The following PDE10A variants were observed in gnomAD, a reference collection of about 807,000 sequenced individuals.
PDE10A encodes cAMP and cAMP-inhibited cGMP 3',5'-cyclic phosphodiesterase 10A.
In PDE10A, 39 loss-of-function variants were observed where a neutral mutation model predicts 97.7. That is an observed-to-expected ratio of 0.40 (90% CI 0.31 to 0.52). PDE10A has a LOEUF of 0.52. PDE10A is among the 20% of genes least tolerant of loss of function. PDE10A has a pLI of 0.56. For synonymous variants in PDE10A, 371 were observed against 376.8 expected, an observed-to-expected ratio of 0.98 and a Z score of 0.18; for missense variants, 731 against 1,047.8, an observed-to-expected ratio of 0.70 and a Z score of 4.17.
chr6:165,337,198 A>C (rs1781703431), intron 20 of PDE10A, among the ~76,000 whole-genome samples: 1 of 152,174 alleles, frequency 6.6e-6, no homozygotes, highest in African/African-American at 2.4e-5. Flanking sequence ...TGTGCAAATA[A>C]GACTGGCTTA....
chr6:165,566,768 T>TA (rs139123074), intron 1 of PDE10A, among the ~76,000 whole-genome samples: 1,748 of 152,216 alleles, frequency 0.011, 36 homozygotes, highest in African/African-American at 0.04. Context: ...ATCATATTTT[T>TA]AAAAAGGAAA....
chr6:165,814,575 T>A (rs984976483), intron 1 of PDE10A, among the ~76,000 whole-genome samples: 3 of 152,190 alleles, frequency 2.0e-5, no homozygotes, highest in African/African-American at 7.2e-5. Flanking sequence ...TCACTAAATA[T>A]CAATTTAAAA....
chr6:165,784,349 AT>A (rs1778436710), intron 1 of PDE10A, among the ~76,000 whole-genome samples: 1 of 152,152 alleles, frequency 6.6e-6, no homozygotes, highest in South Asian at 2.1e-4. Flanking sequence ...CCTCCTTGGT[AT>A]TTACCTGGTC....
intron 1 of PDE10A, among the ~76,000 whole-genome samples, chr6:165,621,590 T>G (rs1047557718): frequency 6.6e-6 from 1 of 152,028 alleles, no homozygotes; most frequent in African/African-American, 2.4e-5. Context: ...ACCCCATCTC[T>G]GCTAAGAATA....
At chr6:165,910,206 G>T (rs1272726220) in intron 1 of PDE10A, among the ~76,000 whole-genome samples, 5 of 152,126 alleles carry the variant, frequency 3.3e-5, no homozygotes, top group South Asian at 2.1e-4. Context: ...TAGAGATGGG[G>T]CCGACCAGTG....
intron 1 of PDE10A, among the ~76,000 whole-genome samples, chr6:165,748,168 G>A (rs757706493): frequency 6.6e-6 from 1 of 152,190 alleles, no homozygotes; most frequent in Non-Finnish European, 1.5e-5. Flanking sequence ...GAAAAAAAAT[G>A]CTGAGTCTTC....
At chr6:165,539,949 A>G (rs1324702240) in intron 2 of PDE10A, among the ~76,000 whole-genome samples, 2 of 152,036 alleles carry the variant, frequency 1.3e-5, no homozygotes, top group Non-Finnish European at 2.9e-5. Flanking sequence ...CAATTATATA[A>G]TATCTTCCCT....
intron 1 of PDE10A, among the ~76,000 whole-genome samples, chr6:165,901,167 G>T (rs755664006): frequency 3.3e-5 from 5 of 152,132 alleles, no homozygotes; most frequent in Non-Finnish European, 5.9e-5. Context: ...CATCTATCAG[G>T]ACCTGGCCCT....
intron 1 of PDE10A, among the ~76,000 whole-genome samples, chr6:165,873,721 C>CA (rs1026601986): frequency 5.9e-5 from 9 of 151,374 alleles, no homozygotes; most frequent in Admixed American, 1.3e-4. Context: ...AACTTAGATG[C>CA]AAAAAAAATT....
At chr6:165,535,360 TC>T (rs1783018420) in intron 2 of PDE10A, among the ~76,000 whole-genome samples, 3 of 151,936 alleles carry the variant, frequency 2.0e-5, no homozygotes, top group Non-Finnish European at 4.4e-5. Context: ...AAATTCTAAT[TC>T]CTTACTCTCC....
In PDE10A at chr6:165,952,625, G is replaced by A. The variant is rs140946953; in HGVS notation, c.-615+34904C>T. Among the ~76,000 whole-genome samples the A allele has an allele frequency of 2.6e-5, 4 of 152,324 alleles. No individual in the cohort carries two copies. In the East Asian group the frequency reaches 7.7e-4, roughly 29 times the overall value. ...CACGGGAGGACTAAGAAATCTGGGA[G>A]AGGCAGGAAACCACACCTCTTCAAC... On this transcript the variant is annotated intron_variant, in intron 1 of 19. Coordinates refer to the PDE10A transcript ENST00000366882.
At chr6:165,690,055 C>T (rs555444704) in intron 1 of PDE10A, among the ~76,000 whole-genome samples, 14 of 152,062 alleles carry the variant, frequency 9.2e-5, no homozygotes, top group Non-Finnish European at 1.8e-4. Flanking sequence ...TATAGAATAT[C>T]GAGTGTCTTA....
At chr6:165,619,668 T>C (rs1422651310) in intron 1 of PDE10A, among the ~76,000 whole-genome samples, 2 of 151,846 alleles carry the variant, frequency 1.3e-5, no homozygotes, top group Non-Finnish European at 2.9e-5. Context: ...TATAGTCTAG[T>C]GTAGTGTAGT....
At chr6:165,517,744 G>A (rs1168862559) in intron 2 of PDE10A, among the ~76,000 whole-genome samples, 3 of 152,186 alleles carry the variant, frequency 2.0e-5, no homozygotes, top group Non-Finnish European at 2.9e-5. Flanking sequence ...GGATTATAAA[G>A]GACGGCACAA....
At chr6:165,938,208 AG>A (rs1783397520) in intron 1 of PDE10A, among the ~76,000 whole-genome samples, 1 of 152,246 alleles carries the variant, frequency 6.6e-6, no homozygotes, top group Admixed American at 6.5e-5. Flanking sequence ...CTTGTGAAAC[AG>A]GTCACCAACA....
intron 1 of PDE10A, among the ~76,000 whole-genome samples, chr6:165,758,566 A>AGAG (rs1562721727): frequency 5.3e-5 from 8 of 151,892 alleles, no homozygotes; most frequent in Non-Finnish European, 5.9e-5. Context: ...AGGAAGAGGA[A>AGAG]GAAGAAGAGG....
chr6:165,862,875 T>C (rs1484370868), intron 1 of PDE10A, among the ~76,000 whole-genome samples: 4 of 152,180 alleles, frequency 2.6e-5, no homozygotes, highest in Non-Finnish European at 5.9e-5. Context: ...AGATGGGATT[T>C]TACCCTGTTG....
At chr6:165,674,445 T>TG (rs1291525922) in intron 1 of PDE10A, among the ~76,000 whole-genome samples, 1 of 152,144 alleles carries the variant, frequency 6.6e-6, no homozygotes. Context: ...TCCCTGCTGA[T>TG]GCGCAGTGGG....
intron 18 of PDE10A, among the ~76,000 whole-genome samples, chr6:165,373,914 A>C (rs562870014): frequency 7.1e-4 from 108 of 151,990 alleles, no homozygotes; most frequent in Middle Eastern, 6.8e-3. Flanking sequence ...AAAAATGATG[A>C]GTTCATGTCC....
Sources: allele counts gnomAD v4.1 joint callset (sites outside exome capture counted in the v4.1 genomes callset), GRCh38; gene constraint gnomAD v4.1.1; transcripts MANE v1.5; gene names NCBI Gene and HGNC (gene_info 2026-07-23, HGNC 2026-07-21).